ROCK1: variants seen among roughly 807,000 people sequenced by gnomAD.
ROCK1 encodes Rho associated coiled-coil containing protein kinase 1, also known as rho-associated protein kinase 1.
In ROCK1, 36 loss-of-function variants were observed where a neutral mutation model predicts 196.8. The ratio of observed to expected loss-of-function variants is 0.18; its 90% confidence interval spans 0.14 to 0.24. ROCK1 has a LOEUF of 0.24. ROCK1 is among the 10% of genes least tolerant of loss of function. The pLI is 1.00. For synonymous variants in ROCK1, 443 were observed against 515.9 expected (o/e 0.86, Z 1.91); for missense variants, 920 against 1,562.0 (o/e 0.59, Z 6.93).
chr18:20,987,222 G>A, intron 18 of ROCK1, 112 bp from the exon 19 acceptor site: 1 of 822,510 alleles, frequency 1.2e-6, no homozygotes, highest in South Asian at 1.7e-5. Context: ...TTTATTCTGG[G>A]ACTTGAATAG....
chr18:20,969,385 C>A, intron 23 of ROCK1, 177 bp from the exon 24 acceptor site: 1 of 489,572 alleles, frequency 2.0e-6, no homozygotes, highest in Admixed American at 3.8e-5. Context: ...AAGTAGTTAA[C>A]AGCATCCAAA....
At chr18:21,091,894 G>A (rs1192795446) in intron 1 of ROCK1, among the ~76,000 whole-genome samples, 4 of 150,990 alleles carry the variant, frequency 2.6e-5, no homozygotes, top group South Asian at 2.1e-4. Flanking sequence ...CAGTTGAACC[G>A]GGGGTGGGCG....
chr18:20,947,723 G>A lies in ROCK1; in HGVS notation c.*3661C>T, dbSNP rs2035142746. 6.6e-6 allele frequency: 1 copy of A among 151,318 alleles called. No homozygotes were observed. The highest frequency in any genetic ancestry group is 6.6e-5 in the Admixed American group (1 of 15,170). The allele number at this position is 151,318 out of a possible 1,614,324, so 9.4% of individuals were successfully genotyped here. On this transcript the variant is annotated 3_prime_UTR_variant, in exon 33 of 33. Coordinates refer to ENST00000399799, the MANE Select transcript of ROCK1 (RefSeq NM_005406.3). ...TTGTTTATTTAAAAAAACCATTTCCGTTTATTCATGTCTTTTTAAACTTCT... is the reference window on the plus strand; with the variant it reads ...TTGTTTATTTAAAAAAACCATTTCCATTTATTCATGTCTTTTTAAACTTCT...
chr18:20,952,653 T>C (rs2035200793), intron 32 of ROCK1, among the ~76,000 whole-genome samples: 1 of 151,490 alleles, frequency 6.6e-6, no homozygotes. Context: ...CATGCGTCTG[T>C]AATCCCCGCT....
chr18:21,099,622 A>G (rs537217850), intron 1 of ROCK1, among the ~76,000 whole-genome samples: 1 of 152,288 alleles, frequency 6.6e-6, no homozygotes, highest in Non-Finnish European at 1.5e-5. Flanking sequence ...ACACGTGCCT[A>G]TAGTCCCAGC....
intron 9 of ROCK1, among the ~76,000 whole-genome samples, chr18:21,038,466 T>C (rs540234159): frequency 6.6e-6 from 1 of 152,296 alleles, no homozygotes; most frequent in South Asian, 2.1e-4. Context: ...GCTATAGTAC[T>C]TGAAGGCAAT....
chr18:20,980,122 AC>A, intron 21 of ROCK1, 118 bp from the exon 22 acceptor site: 1 of 1,243,560 alleles, frequency 8.0e-7, no homozygotes, highest in Non-Finnish European at 1.1e-6. Flanking sequence ...TCAAGTATTT[AC>A]CCATGACAAA....
chr18:21,048,418 T>A (rs1412623252), intron 4 of ROCK1, among the ~76,000 whole-genome samples: 1 of 152,068 alleles, frequency 6.6e-6, no homozygotes, highest in Non-Finnish European at 1.5e-5. Flanking sequence ...GGGAAAAAAA[T>A]TCAATATTAA....
chr18:21,076,961 C>CTTTT (rs71178160), intron 1 of ROCK1, among the ~76,000 whole-genome samples: 2 of 65,962 alleles, frequency 3.0e-5, no homozygotes, highest in African/African-American at 6.2e-5. Context: ...AAAGGACAGT[C>CTTTT]TTTTTTTTTT....
chr18:21,046,638 A>T (rs1230017285), intron 4 of ROCK1, among the ~76,000 whole-genome samples: 1 of 152,200 alleles, frequency 6.6e-6, no homozygotes, highest in Non-Finnish European at 1.5e-5. Flanking sequence ...AGGCATAAAT[A>T]TATTATGTGA....
intron 1 of ROCK1, among the ~76,000 whole-genome samples, chr18:21,082,090 T>C (rs927915428): frequency 6.6e-6 from 1 of 152,052 alleles, no homozygotes; most frequent in African/African-American, 2.4e-5. Flanking sequence ...GTAGCTTGTG[T>C]GAGCAACCAC....
In ROCK1 at chr18:21,034,847, A is replaced by T. The variant is rs545968660; in HGVS notation, c.1051+4625T>A. On this transcript the variant is annotated intron_variant, in intron 9 of 32. Coordinates refer to ENST00000399799, the MANE Select transcript of ROCK1 (RefSeq NM_005406.3). ...AAAGCACTAATAACAGAGTGCAGAG[A>T]ATAGAAAATATCTGCAAACCATGTA... 7.1e-4 allele frequency among the ~76,000 whole-genome samples: 108 copies of T among 152,326 alleles called. 1 individual carries two copies. Among genetic ancestry groups the T allele is most frequent in the African/African-American group, 2.6e-3 (107 of 41,568 alleles).
chr18:21,091,439 C>A (rs1401580997), intron 1 of ROCK1, among the ~76,000 whole-genome samples: 1 of 151,856 alleles, frequency 6.6e-6, no homozygotes, highest in Non-Finnish European at 1.5e-5. Context: ...CCCGTCTCTA[C>A]TAAAAATACA....
rs2035171691 is a variant in ROCK1, at chr18:20,950,200, T to C, written c.*1184A>G. On this transcript the variant is annotated 3_prime_UTR_variant, in exon 33 of 33. Transcript: ENST00000399799. ...TATGTTAACTGGAAAACATCATGGA[T>C]GTATTGCCATATTTCCTTTTTATGT... The C allele has an allele frequency of 6.6e-6, 1 of 152,598 alleles. No homozygotes were observed. Among genetic ancestry groups the C allele is most frequent in the South Asian group, 2.1e-4 (1 of 4,838 alleles). 9.5% of individuals were successfully genotyped at this position (152,598 alleles called of 1,614,324 possible). A position where few individuals can be genotyped will look rare whatever the true frequency, so the allele number is the denominator to read the frequency against.
intron 5 of ROCK1, chr18:21,045,030 T>G (rs868562479): frequency 0.093 from 20,052 of 216,524 alleles, 3,346 homozygotes; most frequent in African/African-American, 0.38. Context: ...CTGTGTTTTT[T>G]TTTTTTTTTT....
At chr18:20,978,944 A>G (rs2035505158) in intron 22 of ROCK1, among the ~76,000 whole-genome samples, 1 of 152,232 alleles carries the variant, frequency 6.6e-6, no homozygotes, top group Non-Finnish European at 1.5e-5. Flanking sequence ...TTCAAAGGTG[A>G]TTAAATGTAA....
intron 12 of ROCK1, among the ~76,000 whole-genome samples, chr18:21,018,909 A>T (rs1000679613): frequency 2.6e-5 from 4 of 152,178 alleles, no homozygotes; most frequent in Non-Finnish European, 4.4e-5. Context: ...CTTATAATTG[A>T]TAAGTAATTC....
intron 16 of ROCK1, among the ~76,000 whole-genome samples, chr18:21,002,685 T>C (rs2035735195): frequency 6.6e-6 from 1 of 152,172 alleles, no homozygotes; most frequent in Non-Finnish European, 1.5e-5. Flanking sequence ...GCAATGATCA[T>C]CAATGGCTAC....
At chr18:21,042,809 G>GA in intron 6 of ROCK1, 100 bp from the exon 7 acceptor site, 1 of 1,166,114 alleles carries the variant, frequency 8.6e-7, no homozygotes, top group South Asian at 1.7e-5. Flanking sequence ...CCAAATCTTT[G>GA]AGCTATAAAA....
Sources: allele counts gnomAD v4.1 joint callset (sites outside exome capture counted in the v4.1 genomes callset), GRCh38; gene constraint gnomAD v4.1.1; transcripts MANE v1.5; gene names NCBI Gene and HGNC (gene_info 2026-07-23, HGNC 2026-07-21).